FOXO1: variants seen among roughly 807,000 people sequenced by gnomAD.
FOXO1 encodes forkhead box protein O1.
In FOXO1, 6 loss-of-function variants were observed where a neutral mutation model predicts 44.1. The ratio of observed to expected loss-of-function variants is 0.14; its 90% CI spans 0.07 to 0.27. The LOEUF is 0.27. Ranked by LOEUF, FOXO1 falls within the 10% of genes least tolerant of loss-of-function variation. The pLI is 1.00. For missense variants in FOXO1, 737 were observed against 888.8 expected (o/e 0.83, Z 2.17); for synonymous variants, 380 against 362.7 (o/e 1.05, Z -0.54).
At position 40,666,398 on chromosome 13, in the gene FOXO1, C is replaced by G. The variant is rs1878258680; in HGVS notation, c.-186G>C. The G allele has an allele frequency of 4.4e-6, 2 of 455,986 alleles. No homozygotes were observed. Among genetic ancestry groups the G allele is most frequent in the Admixed American group, 4.4e-5 (1 of 22,712 alleles). The allele number at this position is 455,986 out of a possible 1,614,324, so 28.2% of individuals were successfully genotyped here. A position where few individuals can be genotyped will look rare whatever the true frequency, so the allele number is the denominator to read the frequency against. On this transcript the variant is annotated 5_prime_UTR_variant, in exon 1 of 3. Transcript: ENST00000379561. ...GAAGCGCGAGCCCAGAACTTAACTTCGCGGGGCCATCCACATCGAGGCTCC... is the reference window on the plus strand; with the variant it reads ...GAAGCGCGAGCCCAGAACTTAACTTGGCGGGGCCATCCACATCGAGGCTCC...
At position 40,560,492 on chromosome 13, in the gene FOXO1, G is replaced by A. The variant is rs139436481; in HGVS notation, c.999C>T (p.Thr333=). The A allele has an allele frequency of 7.6e-3, 12,256 of 1,614,052 alleles. 64 individuals are homozygous for A. Among genetic ancestry groups the A allele is most frequent in the Non-Finnish European group, 8.9e-3 (10,548 of 1,179,986 alleles). Residue 333 remains threonine, a synonymous_variant, in exon 2 of 3, where the codon ACC becomes ACT. Coordinates refer to ENST00000379561, the MANE Select transcript of FOXO1 (RefSeq NM_002015.4). This position sits in a 1 kb window ranked among gnomAD's most constrained non-coding sequence, Gnocchi z 5.1. ...TISGRLSPIM[T]EQDDLGEGDV... ...CCCCTTCTCCAAGATCATCCTGTTC[G>A]GTCATAATGGGTGAGAGTCTCCCAC...
intron 2 of FOXO1, 33 bp from the exon 3 acceptor site, chr13:40,559,067 A>G (rs759663800): frequency 7.4e-6 from 3 of 403,132 alleles, no homozygotes; most frequent in African/African-American, 2.1e-5. Context: ...GCACACACAC[A>G]TACACACACA....
chr13:40,642,258 A>C (rs1007331811), intron 1 of FOXO1, among the ~76,000 whole-genome samples: 3 of 152,110 alleles, frequency 2.0e-5, no homozygotes, highest in Non-Finnish European at 4.4e-5. Context: ...TTTTTTTCAC[A>C]TTCTTAAGAA....
chr13:40,648,974 G>T (rs1200301665), intron 1 of FOXO1, among the ~76,000 whole-genome samples: 1 of 152,160 alleles, frequency 6.6e-6, no homozygotes, highest in Non-Finnish European at 1.5e-5. Flanking sequence ...GCAGGTCTGC[G>T]GGAAAGTGGC....
At position 40,560,205 on chromosome 13, in the gene FOXO1, G is replaced by C. The variant is rs1873938137; in HGVS notation, c.1286C>G (p.Ser429Cys). ...PNYQKYTYGQ[S>C]SMSPLPQMPI... ...CATCTGGGGCAAAGGGCTCATGCTG[G>C]ATTGGCCATATGTATATTTTTGGTA... The change falls in exon 2 of 3, where the codon TCC becomes TGC. Residue 429 changes from serine (S) to cysteine (C), a missense_variant. This residue lies in a region of FOXO1 where 283 missense variants were observed against 278.1 expected (regional missense o/e 1.02). Transcript: ENST00000379561. The surrounding 1 kb of genome is among the most constrained non-coding windows in gnomAD (Gnocchi z 5.1). 1.2e-6 allele frequency: 2 copies of C among 1,614,038 alleles called. No homozygotes were observed. Among genetic ancestry groups the C allele is most frequent in the Middle Eastern group, 1.6e-4 (1 of 6,084 alleles).
At chr13:40,621,292 T>C in intron 1 of FOXO1, 1 of 752,938 alleles carries the variant, frequency 1.3e-6, no homozygotes, top group Non-Finnish European at 2.0e-6. Context: ...TCAGAGAATT[T>C]CACTTGTCCG....
rs556087008 is a variant in FOXO1, at chr13:40,585,699, AAAAG to A, written c.631-24843_631-24840del. Among the ~76,000 whole-genome samples, 202 of 152,290 alleles carry A rather than the reference AAAAG, an allele frequency of 1.3e-3. 1 individual carries two copies. The highest frequency in any genetic ancestry group is 3.1e-3 in the East Asian group (16 of 5,172). ...GGTGAGCCCTACTCAGGTTAATCTC[AAAAG>A]AAAGAAGCAAGAAACCTCATCCAGG... On this transcript the variant is annotated intron_variant, in intron 1 of 2. Coordinates refer to ENST00000379561, the MANE Select transcript of FOXO1 (RefSeq NM_002015.4).
At chr13:40,598,933 T>C (rs1482046989) in intron 1 of FOXO1, among the ~76,000 whole-genome samples, 2 of 152,216 alleles carry the variant, frequency 1.3e-5, no homozygotes, top group Admixed American at 1.3e-4. Flanking sequence ...TAAGTACCAT[T>C]TATGGATGCT....
chr13:40,603,441 T>C (rs531583325), intron 1 of FOXO1, among the ~76,000 whole-genome samples: 10 of 151,840 alleles, frequency 6.6e-5, no homozygotes, highest in Non-Finnish European at 1.3e-4. Flanking sequence ...GTATACCTTA[T>C]ATATGTGTGT....
intron 1 of FOXO1, among the ~76,000 whole-genome samples, chr13:40,613,902 G>T (rs1175247780): frequency 6.6e-6 from 1 of 152,156 alleles, no homozygotes. Context: ...AACCTGTGAA[G>T]AGCTTTAACA....
chr13:40,634,743 A>G (rs961041448), intron 1 of FOXO1, among the ~76,000 whole-genome samples: 1 of 151,970 alleles, frequency 6.6e-6, no homozygotes, highest in Admixed American at 6.6e-5. Flanking sequence ...GCAGTGGCGC[A>G]ATCTCAGCTT....
At position 40,556,264 on chromosome 13, in the gene FOXO1, T is replaced by C. The variant is rs983929628; in HGVS notation, c.*2785A>G. The C allele has an allele frequency of 2.6e-5, 4 of 152,710 alleles. No homozygotes were observed. The highest frequency in any genetic ancestry group is 6.5e-5 in the Admixed American group (1 of 15,306). 9.5% of individuals were successfully genotyped at this position (152,710 alleles called of 1,614,324 possible). A position where few individuals can be genotyped will look rare whatever the true frequency, so the allele number is the denominator to read the frequency against. ...CTTATCCTCTTCTTGGGATGTTCCA[T>C]TGATTTACTGCTCACTGGGATACAT... On this transcript the variant is annotated 3_prime_UTR_variant, in exon 3 of 3. Transcript: ENST00000379561.
chr13:40,631,384 G>C (rs1019070900), intron 1 of FOXO1, among the ~76,000 whole-genome samples: 1 of 152,050 alleles, frequency 6.6e-6, no homozygotes, highest in Non-Finnish European at 1.5e-5. Context: ...AAATCTTTCC[G>C]ATCTTGGATT....
At chr13:40,649,290 G>A (rs554908766) in intron 1 of FOXO1, among the ~76,000 whole-genome samples, 2 of 152,256 alleles carry the variant, frequency 1.3e-5, no homozygotes, top group South Asian at 4.1e-4. Context: ...AGTGTTTTAA[G>A]TTCTCATTTT....
At chr13:40,610,301 AG>A (rs1158016495) in intron 1 of FOXO1, among the ~76,000 whole-genome samples, 1 of 152,182 alleles carries the variant, frequency 6.6e-6, no homozygotes, top group Non-Finnish European at 1.5e-5. Context: ...AATTATGATG[AG>A]GCATCTGTCT....
In FOXO1 at chr13:40,564,766, TACATGACGGCACTAGAGAA is replaced by T. The variant is rs146793897; in HGVS notation, c.631-3925_631-3907del. Among the ~76,000 whole-genome samples the T allele has an allele frequency of 7.7e-3, 1,179 of 152,334 alleles. 4 individuals carry two copies. Among genetic ancestry groups the T allele is most frequent in the Non-Finnish European group, 0.012 (847 of 68,032 alleles). Reference sequence around the variant, plus strand: ...ATCACTTGCCCAAATCCAGCGTTTCTACATGACGGCACTAGAGAAACACAAGCCAGCCAATCTCCTCTCC... The same window carrying T: ...ATCACTTGCCCAAATCCAGCGTTTCTACACAAGCCAGCCAATCTCCTCTCC... On this transcript the variant is annotated intron_variant, in intron 1 of 2. Transcript: ENST00000379561.
At chr13:40,561,923 A>G (rs1336300968) in intron 1 of FOXO1, among the ~76,000 whole-genome samples, 14 of 149,324 alleles carry the variant, frequency 9.4e-5, no homozygotes, top group Non-Finnish European at 1.9e-4. Flanking sequence ...CTGGGCAACA[A>G]GAGTTAAACA....
chr13:40,585,343 GCA>G (rs1555248752), intron 1 of FOXO1, among the ~76,000 whole-genome samples: 1,618 of 146,928 alleles, frequency 0.011, 27 homozygotes, highest in African/African-American at 0.036. Context: ...CTGCGCGCGC[GCA>G]CACACACACA....
intron 1 of FOXO1, among the ~76,000 whole-genome samples, chr13:40,644,436 T>C (rs544731078): frequency 7.9e-5 from 12 of 151,820 alleles, no homozygotes; most frequent in Non-Finnish European, 1.2e-4. Flanking sequence ...GAGAGAAAAG[T>C]AGGGTGGGAG....
Sources: gnomAD v4.1 joint callset for allele counts (sites outside exome capture counted in the v4.1 genomes callset) on GRCh38, gnomAD v4.1.1 for gene constraint, gnomAD v4.1.1 regional missense constraint, Gnocchi (gnomAD v3.1) non-coding constraint, MANE v1.5 for transcripts, NCBI Gene and HGNC (gene_info 2026-07-23, HGNC 2026-07-21) for gene names.